The following PPFIBP1 variants were observed in gnomAD, a reference collection of about 807,000 sequenced individuals.
The protein encoded by PPFIBP1 is liprin-beta-1.
In PPFIBP1, 112 loss-of-function variants were observed where a neutral mutation model predicts 137.8. The observed-to-expected ratio is 0.81, with a 90% CI of 0.70 to 0.95. The LOEUF (loss-of-function observed/expected upper bound fraction) is 0.95. Ranked by LOEUF, PPFIBP1 falls within the 40% of genes least tolerant of loss-of-function variation. The probability of loss-of-function intolerance (pLI) is 0.00; values close to 1 mark genes in which losing one functional copy is unlikely to be tolerated. For synonymous variants in PPFIBP1, 378 were observed against 417.3 expected (o/e 0.91, Z 1.15); for missense variants, 1,083 against 1,196.6 (o/e 0.91, Z 1.40).
rs549996995 is a variant in PPFIBP1 at position 27,594,326 on chromosome 12, C to T, written c.-36+16087C>T. 2.5e-4 allele frequency among the ~76,000 whole-genome samples: 38 copies of T among 151,758 alleles called. 1 individual carries two copies. The highest frequency in any genetic ancestry group is 4.2e-4 in the South Asian group (2 of 4,804). ...CCAAATAGCTGGGATTATAGGCACC[C>T]GCCACAATGCCCAGCTAATTTTTGT... On this transcript the variant is annotated intron_variant, in intron 2 of 29. Transcript: ENST00000228425.
At chr12:27,666,823 T>C (rs960768967) in intron 12 of PPFIBP1, among the ~76,000 whole-genome samples, 1 of 152,248 alleles carries the variant, frequency 6.6e-6, no homozygotes, top group African/African-American at 2.4e-5. Context: ...ATTTCTACAC[T>C]AAAATTTGTA....
chr12:27,527,310 G>A (rs1279263906), intron 1 of PPFIBP1, among the ~76,000 whole-genome samples: 1 of 151,472 alleles, frequency 6.6e-6, no homozygotes, highest in Non-Finnish European at 1.5e-5. Context: ...GTGCAGTGGT[G>A]CAGTCTCGGC....
chr12:27,596,152 T>C (rs1210983740), intron 2 of PPFIBP1, among the ~76,000 whole-genome samples: 2 of 150,044 alleles, frequency 1.3e-5, no homozygotes, highest in Non-Finnish European at 3.0e-5. Flanking sequence ...TTATCTGACC[T>C]AAAAGAACCT....
At chr12:27,653,887 C>G (rs1312998472) in intron 7 of PPFIBP1, among the ~76,000 whole-genome samples, 2 of 152,094 alleles carry the variant, frequency 1.3e-5, no homozygotes, top group African/African-American at 4.8e-5. Flanking sequence ...CTTTCATTTT[C>G]TAATGATAAA....
intron 2 of PPFIBP1, among the ~76,000 whole-genome samples, chr12:27,591,355 G>A (rs147297853): frequency 6.6e-6 from 1 of 152,224 alleles, no homozygotes; most frequent in Non-Finnish European, 1.5e-5. Flanking sequence ...GAAGGTGAGA[G>A]TCAGGACAAG....
At chr12:27,585,328 A>G (rs1464013022) in intron 2 of PPFIBP1, among the ~76,000 whole-genome samples, 3 of 152,228 alleles carry the variant, frequency 2.0e-5, no homozygotes, top group Non-Finnish European at 2.9e-5. Flanking sequence ...TGTCTATTGT[A>G]TAAAACTGAG....
chr12:27,648,006 G>A (rs1435676595), intron 6 of PPFIBP1, 164 bp downstream of exon 6: 2 of 767,820 alleles, frequency 2.6e-6, no homozygotes, highest in Non-Finnish European at 3.6e-6. Context: ...CAAAACACAT[G>A]CACACAATAT....
intron 2 of PPFIBP1, among the ~76,000 whole-genome samples, chr12:27,580,063 A>C (rs950669254): frequency 1.3e-5 from 2 of 152,166 alleles, no homozygotes; most frequent in Non-Finnish European, 2.9e-5. Context: ...AGGATATCTT[A>C]CCAATCAGAT....
intron 4 of PPFIBP1, among the ~76,000 whole-genome samples, chr12:27,644,244 GTTTTTTT>G (rs3842650): frequency 8.5e-5 from 10 of 117,774 alleles, no homozygotes; most frequent in Admixed American, 3.9e-4. Flanking sequence ...GCTTGGCTAA[GTTTTTTT>G]TTTTTTTTTT....
intron 1 of PPFIBP1, among the ~76,000 whole-genome samples, chr12:27,554,231 C>A (rs1299562068): frequency 6.6e-6 from 1 of 152,202 alleles, no homozygotes; most frequent in Admixed American, 6.5e-5. Flanking sequence ...TCCCAACATC[C>A]CAATTATTCC....
intron 17 of PPFIBP1, 96 bp from the exon 18 acceptor site, chr12:27,676,332 C>T (rs1337867186): frequency 2.1e-6 from 2 of 951,684 alleles, no homozygotes; most frequent in East Asian, 2.9e-5. Context: ...TGAATAAACT[C>T]ATGGATGTGG....
chr12:27,642,326 T>C (rs756489444), intron 4 of PPFIBP1, among the ~76,000 whole-genome samples: 1 of 152,204 alleles, frequency 6.6e-6, no homozygotes, highest in Non-Finnish European at 1.5e-5. Context: ...TTGAATGCGG[T>C]CAATAAGGGG....
chr12:27,640,949 T>C (rs2058073215), intron 4 of PPFIBP1, among the ~76,000 whole-genome samples: 2 of 152,170 alleles, frequency 1.3e-5, no homozygotes, highest in Non-Finnish European at 2.9e-5. Flanking sequence ...AGAGATAATG[T>C]TTACTTAAAG....
chr12:27,619,289 T>C (rs1451880517), intron 2 of PPFIBP1, among the ~76,000 whole-genome samples: 1 of 152,322 alleles, frequency 6.6e-6, no homozygotes, highest in South Asian at 2.1e-4. Context: ...AGATTACTTA[T>C]AACACCCAAT....
At chr12:27,687,739 G>C (rs1025263472) in intron 25 of PPFIBP1, among the ~76,000 whole-genome samples, 18 of 152,158 alleles carry the variant, frequency 1.2e-4, no homozygotes, top group Admixed American at 2.6e-4. Context: ...TTTCTTGGGT[G>C]TATTTTTTTT....
At chr12:27,577,439 G>T (rs1300557207) in intron 1 of PPFIBP1, among the ~76,000 whole-genome samples, 1 of 152,196 alleles carries the variant, frequency 6.6e-6, no homozygotes, top group South Asian at 2.1e-4. Flanking sequence ...GAATATCTCT[G>T]GTATTTAACT....
Position 27,689,268 on chromosome 12 carries a change from G to A in PPFIBP1, c.2685+65G>A, listed in dbSNP as rs1173525388. ...AAAGGCAACGTTTTGTCGGTTACCTGGTTATTCTGTTTTCTGGGGTTTACT... is the reference window on the plus strand; with the variant it reads ...AAAGGCAACGTTTTGTCGGTTACCTAGTTATTCTGTTTTCTGGGGTTTACT... On this transcript the variant is annotated intron_variant, in intron 27 of 29. Coordinates refer to ENST00000228425, the MANE Select transcript of PPFIBP1 (RefSeq NM_003622.4). The A allele has an allele frequency of 4.1e-6, 6 of 1,447,680 alleles. No homozygotes were observed. The Admixed American group carries it at 7.7e-5, about 18-fold the overall frequency. 89.7% of individuals were successfully genotyped at this position (1,447,680 alleles called of 1,614,324 possible). A position where few individuals can be genotyped will look rare whatever the true frequency, so the allele number is the denominator to read the frequency against.
At chr12:27,596,903 C>G (rs1319207019) in intron 2 of PPFIBP1, among the ~76,000 whole-genome samples, 2 of 152,200 alleles carry the variant, frequency 1.3e-5, no homozygotes, top group African/African-American at 4.8e-5. Context: ...CAGATTCAAA[C>G]ATAGGTAGTC....
At position 27,688,430 on chromosome 12, in the gene PPFIBP1, C is replaced by T. The variant is rs1396991155; in HGVS notation, c.2496+7C>T. On this transcript the variant is annotated splice_region_variant and intron_variant, in intron 26 of 29. Transcript: ENST00000228425. The stretch of plus-strand genomic sequence containing the variant: ...TGTCCATGGTGGGCTCATGGTAAAG[C>T]TCTGATTTAATTTAAAATTGACTTA... The T allele has an allele frequency of 1.4e-5, 22 of 1,611,250 alleles. No individual in the cohort carries two copies. The highest frequency in any genetic ancestry group is 2.2e-5 in the East Asian group (1 of 44,878).
Sources: gnomAD v4.1 joint callset for allele counts (sites outside exome capture counted in the v4.1 genomes callset) on GRCh38, gnomAD v4.1.1 for gene constraint, MANE v1.5 for transcripts, NCBI Gene and HGNC (gene_info 2026-07-23, HGNC 2026-07-21) for gene names.